The following MLLT10 variants were observed in gnomAD, a reference collection of about 807,000 sequenced individuals.
MLLT10 encodes the protein MLLT10 histone lysine methyltransferase DOT1L cofactor.
Under a neutral mutation model 129.1 loss-of-function variants are expected in MLLT10, and 30 were observed. The observed-to-expected ratio is 0.23, with a 90% CI of 0.17 to 0.32. MLLT10 has a LOEUF of 0.32. MLLT10 is among the 10% of genes least tolerant of loss of function. The pLI is 1.00. For synonymous variants in MLLT10, 490 were observed against 446.4 expected, an observed-to-expected ratio of 1.10 and a Z score of -1.23; for missense variants, 1,119 against 1,268.3, an observed-to-expected ratio of 0.88 and a Z score of 1.79.
At chr10:21,623,656 C>G (rs952813285) in intron 8 of MLLT10, among the ~76,000 whole-genome samples, 10 of 152,182 alleles carry the variant, frequency 6.6e-5, no homozygotes, top group Non-Finnish European at 1.2e-4. Context: ...GTCAAAATCA[C>G]TAGGAATAAT....
At chr10:21,616,112 T>C (rs2045228412) in intron 7 of MLLT10, among the ~76,000 whole-genome samples, 1 of 152,170 alleles carries the variant, frequency 6.6e-6, no homozygotes, top group Non-Finnish European at 1.5e-5. Context: ...TAAGAGTGTG[T>C]ATCTGTGTAT....
chr10:21,710,782 A>C (rs1238451386), intron 13 of MLLT10, among the ~76,000 whole-genome samples: 1 of 152,162 alleles, frequency 6.6e-6, no homozygotes, highest in Non-Finnish European at 1.5e-5. Context: ...CAAAAAAGTT[A>C]CTTTATTTCT....
At chr10:21,723,448 G>A (rs1044282829) in intron 14 of MLLT10, among the ~76,000 whole-genome samples, 3 of 152,142 alleles carry the variant, frequency 2.0e-5, no homozygotes, top group Non-Finnish European at 4.4e-5. Context: ...ATAATTGAAA[G>A]CAAAAAGGTA....
intron 16 of MLLT10, among the ~76,000 whole-genome samples, chr10:21,730,309 GA>G (rs10568793): frequency 0.5 from 61,807 of 122,832 alleles, 14,083 homozygotes; most frequent in Middle Eastern, 0.62. Flanking sequence ...CTCCAAAAAT[GA>G]AAAAAAAAAA....
intron 5 of MLLT10, among the ~76,000 whole-genome samples, chr10:21,599,869 G>A (rs757385031): frequency 6.6e-6 from 1 of 152,112 alleles, no homozygotes; most frequent in Admixed American, 6.5e-5. Context: ...TATGGGCCCA[G>A]CCCCATCTTG....
chr10:21,616,297 C>T (rs1452548707), intron 7 of MLLT10, among the ~76,000 whole-genome samples: 2 of 151,966 alleles, frequency 1.3e-5, no homozygotes, highest in African/African-American at 2.4e-5. Context: ...TTTCTTATTG[C>T]TAATTATAGA....
intron 21 of MLLT10, among the ~76,000 whole-genome samples, chr10:21,739,815 G>A (rs775287966): frequency 1.3e-5 from 2 of 152,148 alleles, no homozygotes; most frequent in Non-Finnish European, 2.9e-5. Flanking sequence ...GCTCTCCTAT[G>A]TGTGTCCTGT....
chr10:21,676,063 GTATT>G (rs1490906569), intron 11 of MLLT10, among the ~76,000 whole-genome samples: 1 of 152,050 alleles, frequency 6.6e-6, no homozygotes, highest in Non-Finnish European at 1.5e-5. Context: ...ATTCTTGTAA[GTATT>G]AGTTCACAAA....
chr10:21,703,235 C>A (rs571930471), intron 13 of MLLT10, among the ~76,000 whole-genome samples: 1 of 151,254 alleles, frequency 6.6e-6, no homozygotes, highest in East Asian at 1.9e-4. Context: ...GACTTTATTT[C>A]TCCTTCATTT....
intron 6 of MLLT10, among the ~76,000 whole-genome samples, chr10:21,613,148 T>G (rs191130662): frequency 5.8e-5 from 8 of 136,810 alleles, no homozygotes; most frequent in Non-Finnish European, 1.2e-4. Context: ...GAACCGAGAT[T>G]GCGCCATTGA....
At chr10:21,660,621 A>G (rs902288267) in intron 9 of MLLT10, among the ~76,000 whole-genome samples, 1 of 149,838 alleles carries the variant, frequency 6.7e-6, no homozygotes, top group African/African-American at 2.4e-5. Flanking sequence ...ATCTCAAAAA[A>G]AAAAAAAAAA....
chr10:21,621,777 G>A (rs2045886766), intron 8 of MLLT10, among the ~76,000 whole-genome samples: 1 of 152,184 alleles, frequency 6.6e-6, no homozygotes, highest in Non-Finnish European at 1.5e-5. Context: ...CATTTCCCAT[G>A]AATGTGGGTC....
intron 8 of MLLT10, chr10:21,624,791 C>T: frequency 4.7e-6 from 5 of 1,074,216 alleles, no homozygotes; most frequent in East Asian, 2.4e-5. Flanking sequence ...CCTACATTGT[C>T]CCCTGATTGC....
intron 3 of MLLT10, among the ~76,000 whole-genome samples, chr10:21,553,054 TTA>T (rs2037343716): frequency 6.6e-6 from 1 of 152,096 alleles, no homozygotes; most frequent in African/African-American, 2.4e-5. Context: ...TTCTTCTTGC[TTA>T]TATTGGATTC....
intron 13 of MLLT10, among the ~76,000 whole-genome samples, chr10:21,686,682 A>G (rs1330075712): frequency 6.6e-6 from 1 of 152,120 alleles, no homozygotes; most frequent in East Asian, 1.9e-4. Flanking sequence ...ATGACTGTAA[A>G]TATATAATAT....
rs746352168 is a variant in MLLT10 at position 21,602,233 on chromosome 10, G to C, written c.405+6793G>C. On this transcript the variant is annotated intron_variant, in intron 5 of 22. Coordinates refer to ENST00000307729, the MANE Select transcript of MLLT10 (RefSeq NM_001195626.3). ...GATGGGTTGTCCAGGTGGGCAACAA[G>C]TTGCAGTTTTGATCAGGCTGCTGCT... Among the ~76,000 whole-genome samples the C allele has an allele frequency of 3.3e-5, 5 of 152,206 alleles. 1 individual carries two copies. The highest frequency in any genetic ancestry group is 6.3e-3 in the Middle Eastern group (2 of 316).
At position 21,740,169 on chromosome 10, in the gene MLLT10, C is replaced by T; in HGVS notation, c.3095C>T (p.Pro1032Leu). The change falls in exon 22 of 23, where the codon CCA becomes CTA. Residue 1032 changes from proline (P) to leucine (L), a missense_variant. Coordinates refer to ENST00000307729, the MANE Select transcript of MLLT10 (RefSeq NM_001195626.3). ...CTTCTTGCAGGTACACAGGCACCCCCACTTCACACAGCTACCACCAACCCA... is the reference window on the plus strand; with the variant it reads ...CTTCTTGCAGGTACACAGGCACCCCTACTTCACACAGCTACCACCAACCCA... ...NNLLAGTQAP[P>L]LHTATTNPFL... is the part of the protein sequence containing the mutation. 3.1e-6 allele frequency: 5 copies of T among 1,614,196 alleles called. No individual in the cohort carries two copies. Among genetic ancestry groups the T allele is most frequent in the Non-Finnish European group, 3.4e-6 (4 of 1,180,034 alleles).
chr10:21,614,205 G>A lies in MLLT10; in HGVS notation c.510-626G>A, dbSNP rs1393786064. 1.3e-4 allele frequency among the ~76,000 whole-genome samples: 14 copies of A among 105,600 alleles called. No individual in the cohort carries two copies. In the South Asian group the frequency reaches 2.4e-3, roughly 18 times the overall value. 69.3% of individuals were successfully genotyped at this position (105,600 alleles called of 152,430 possible). ...TGCACTCCAGCCTGGGTGACAGAACGAAACCCTGTTTTTTTTTTTCAAAAA... is the reference window on the plus strand; with the variant it reads ...TGCACTCCAGCCTGGGTGACAGAACAAAACCCTGTTTTTTTTTTTCAAAAA... On this transcript the variant is annotated intron_variant, in intron 6 of 22. Transcript: ENST00000307729.
chr10:21,599,512 C>A (rs2043324910), intron 5 of MLLT10, among the ~76,000 whole-genome samples: 1 of 151,994 alleles, frequency 6.6e-6, no homozygotes, highest in South Asian at 2.1e-4. Context: ...TTAATTTTTT[C>A]CCCCATATTT....
Sources: gnomAD v4.1 joint callset for allele counts (sites outside exome capture counted in the v4.1 genomes callset) on GRCh38, gnomAD v4.1.1 for gene constraint, MANE v1.5 for transcripts, NCBI Gene and HGNC (gene_info 2026-07-23, HGNC 2026-07-21) for gene names.